MYO1E: variants seen among roughly 807,000 people sequenced by gnomAD.
MYO1E encodes unconventional myosin-Ie.
In MYO1E, 68 loss-of-function variants were observed where a neutral mutation model predicts 151.1. That is an observed-to-expected ratio of 0.45 (90% CI 0.37 to 0.55). MYO1E has a LOEUF of 0.55. Among genes scored for constraint, MYO1E ranks in the 20% least tolerant of loss-of-function variants. MYO1E has a pLI of 0.00. For synonymous variants in MYO1E, 601 were observed against 501.7 expected (o/e 1.20, Z -2.64); for missense variants, 1,363 against 1,389.3 (o/e 0.98, Z 0.30).
At chr15:59,248,830 C>A (rs1247776836) in intron 4 of MYO1E, among the ~76,000 whole-genome samples, 1 of 152,166 alleles carries the variant, frequency 6.6e-6, no homozygotes, top group African/African-American at 2.4e-5. Flanking sequence ...TTAGCAAATA[C>A]GATCATCCCT....
In MYO1E at chr15:59,236,172, G is replaced by A. The variant is rs192967593; in HGVS notation, c.420+413C>T. On this transcript the variant is annotated intron_variant, in intron 5 of 27. Coordinates refer to ENST00000288235, the MANE Select transcript of MYO1E (RefSeq NM_004998.4). The stretch of plus-strand genomic sequence containing the variant: ...GACTGGCCAACATAGTGAAACCCCC[G>A]TCTCTACTAAAAATACAAAAATTAG... 1.0e-3 allele frequency among the ~76,000 whole-genome samples: 152 copies of A among 151,614 alleles called. 1 individual carries two copies. Among genetic ancestry groups the A allele is most frequent in the African/African-American group, 3.1e-3 (130 of 41,304 alleles).
intron 8 of MYO1E, among the ~76,000 whole-genome samples, chr15:59,223,397 T>C (rs1292141719): frequency 1.3e-5 from 2 of 152,132 alleles, no homozygotes; most frequent in East Asian, 1.9e-4. Flanking sequence ...CAGGACGTTC[T>C]TGTACAACAT....
chr15:59,253,973 T>G (rs1228159909), intron 4 of MYO1E, among the ~76,000 whole-genome samples: 1 of 147,192 alleles, frequency 6.8e-6, no homozygotes. Context: ...CCGAGACACC[T>G]AAGAGACACA....
rs556073230 is a variant in MYO1E, at chr15:59,210,660, C to G, written c.1276-60G>C. 16 of 1,239,150 alleles carry G rather than the reference C, an allele frequency of 1.3e-5. No homozygotes were observed. The Admixed American group carries it at 2.5e-4, about 20-fold the overall frequency. 76.8% of individuals were successfully genotyped at this position (1,239,150 alleles called of 1,614,324 possible). A position where few individuals can be genotyped will look rare whatever the true frequency, so the allele number is the denominator to read the frequency against. On this transcript the variant is annotated intron_variant, in intron 12 of 27. Coordinates refer to ENST00000288235, the MANE Select transcript of MYO1E (RefSeq NM_004998.4). ...CCAGATAGCAAGAGCTCTGCACGGA[C>G]AGACCCTGAATGGACAAAAATTCCC...
In MYO1E at chr15:59,138,195, T is replaced by C; in HGVS notation, c.3250+3A>G. On this transcript the variant is annotated splice_donor_region_variant and intron_variant, in intron 27 of 27. Coordinates refer to ENST00000288235, the MANE Select transcript of MYO1E (RefSeq NM_004998.4). ...TGTCCCAGCCAACCAGCCACACACT[T>C]ACCTTCTTTGATAATATCAATAATG... The C allele has an allele frequency of 1.2e-6, 2 of 1,614,168 alleles. No homozygotes were observed. The highest frequency in any genetic ancestry group is 2.2e-5 in the South Asian group (2 of 91,086).
At position 59,172,077 on chromosome 15, in the gene MYO1E, C is replaced by A. The variant is rs1211420244; in HGVS notation, c.2335-35G>T. 3 of 1,609,986 alleles carry A rather than the reference C, an allele frequency of 1.9e-6. No individual in the cohort carries two copies. The South Asian group carries it at 3.3e-5, about 18-fold the overall frequency. On this transcript the variant is annotated intron_variant, in intron 21 of 27. Transcript: ENST00000288235. ...GAGGAGCTTTAAGAAGCTGGACAGG[C>A]CAGGCATGGTGGCTCACACCTGTAA...
intron 1 of MYO1E, among the ~76,000 whole-genome samples, chr15:59,281,143 C>G (rs2080350802): frequency 6.6e-6 from 1 of 152,214 alleles, no homozygotes; most frequent in Non-Finnish European, 1.5e-5. Flanking sequence ...TCTCTTTCAG[C>G]CTACAGGTTC....
intron 1 of MYO1E, among the ~76,000 whole-genome samples, chr15:59,367,057 A>C (rs1233527176): frequency 6.6e-5 from 10 of 150,724 alleles, no homozygotes; most frequent in African/African-American, 2.4e-4. Context: ...ATGACTGTAC[A>C]TAATTCCTAT....
intron 1 of MYO1E, among the ~76,000 whole-genome samples, chr15:59,299,843 T>C (rs1170108109): frequency 6.6e-6 from 1 of 152,218 alleles, no homozygotes; most frequent in Non-Finnish European, 1.5e-5. Flanking sequence ...TCATCATTTA[T>C]GCCATTTAAA....
rs527714653 is a variant in MYO1E at position 59,188,293 on chromosome 15, G to A, written c.1806-77C>T. 3.4e-5 allele frequency: 39 copies of A among 1,146,552 alleles called. No homozygotes were observed. The African/African-American group carries it at 5.2e-4, about 15-fold the overall frequency. 71.0% of individuals were successfully genotyped at this position (1,146,552 alleles called of 1,614,324 possible). On this transcript the variant is annotated intron_variant, in intron 17 of 27. Transcript: ENST00000288235. ...CGTGTTCTTACCAGCCAACCCCCAA[G>A]CCCCCAGTTCCAAGCTGTAGGGAAA...
At chr15:59,178,262 A>G in intron 19 of MYO1E, 131 bp downstream of exon 19, 1 of 1,156,426 alleles carries the variant, frequency 8.6e-7, no homozygotes, top group Non-Finnish European at 1.2e-6. Context: ...AAGGGAGGGA[A>G]GGCTTCTTTG....
chr15:59,372,456 TC>T, intron 1 of MYO1E, 41 bp downstream of exon 1: 1 of 1,536,782 alleles, frequency 6.5e-7, no homozygotes, highest in Non-Finnish European at 8.7e-7. Flanking sequence ...TCCTGCCCCG[TC>T]CCCGGGTCCG....
rs551313724 is a variant in MYO1E at position 59,281,203 on chromosome 15, G to C, written c.4-8754C>G. 3.9e-4 allele frequency among the ~76,000 whole-genome samples: 60 copies of C among 152,160 alleles called. No individual in the cohort carries two copies. In the Middle Eastern group the frequency reaches 0.021, roughly 52 times the overall value. On this transcript the variant is annotated intron_variant, in intron 1 of 27. Transcript: ENST00000288235. ...CAGAAAGGTGTCCCACCCTCCATGC[G>C]ATATGTCTGCCCTGGGATTACTATG...
intron 26 of MYO1E, among the ~76,000 whole-genome samples, chr15:59,150,942 G>T (rs556994872): frequency 6.6e-6 from 1 of 151,516 alleles, no homozygotes; most frequent in East Asian, 2.0e-4. Flanking sequence ...GTGAACCACG[G>T]TCATGAGAGC....
chr15:59,213,980 A>G (rs2079897923), intron 12 of MYO1E, among the ~76,000 whole-genome samples: 1 of 152,238 alleles, frequency 6.6e-6, no homozygotes, highest in Non-Finnish European at 1.5e-5. Context: ...GTAGAGTAAA[A>G]GCAGCCAGTC....
intron 2 of MYO1E, among the ~76,000 whole-genome samples, chr15:59,268,720 A>ATTTTTTTTTTTTGTTTTTTTTTTTT (rs2080271715): frequency 2.2e-5 from 1 of 44,906 alleles, no homozygotes; most frequent in Non-Finnish European, 4.9e-5. Context: ...TGACTTTGGT[A>ATTTTTTTTTTTTGTTTTTTTTTTTT]TTTTTTTTTT....
chr15:59,152,392 G>A (rs925379718), intron 26 of MYO1E, among the ~76,000 whole-genome samples: 1 of 152,198 alleles, frequency 6.6e-6, no homozygotes, highest in African/African-American at 2.4e-5. Flanking sequence ...AGTGGAAAAT[G>A]GAAGTGGGCT....
chr15:59,182,275 C>T (rs1433527616), intron 18 of MYO1E, among the ~76,000 whole-genome samples: 1 of 152,088 alleles, frequency 6.6e-6, no homozygotes, highest in African/African-American at 2.4e-5. Flanking sequence ...TGCAGTGGCG[C>T]AGTCTTGGTT....
chr15:59,216,292 G>C (rs11636141), intron 10 of MYO1E, among the ~76,000 whole-genome samples: 1 of 151,338 alleles, frequency 6.6e-6, no homozygotes, highest in South Asian at 2.1e-4. Flanking sequence ...TTCCTTAATC[G>C]ATCTATGCCT....
Sources: allele counts gnomAD v4.1 joint callset (sites outside exome capture counted in the v4.1 genomes callset), GRCh38; gene constraint gnomAD v4.1.1; transcripts MANE v1.5; gene names NCBI Gene and HGNC (gene_info 2026-07-23, HGNC 2026-07-21).